CNTN4: variants seen among roughly 807,000 people sequenced by gnomAD.
The protein encoded by CNTN4 is contactin 4.
In CNTN4, 77 loss-of-function variants were observed where a neutral mutation model predicts 122.5. The ratio of observed to expected loss-of-function variants is 0.63; its 90% CI spans 0.52 to 0.76. CNTN4 has a LOEUF of 0.76. CNTN4 is among the 30% of genes least tolerant of loss of function. The pLI is 0.00. For missense variants in CNTN4, 1,256 were observed against 1,259.1 expected (o/e 1.00, Z 0.04); for synonymous variants, 512 against 447.0 (o/e 1.15, Z -1.83).
chr3:2,624,613 T>G (rs2149967093), intron 4 of CNTN4, among the ~76,000 whole-genome samples: 1 of 150,354 alleles, frequency 6.7e-6, no homozygotes, highest in South Asian at 2.1e-4. Flanking sequence ...GGCTCTTAAT[T>G]GGAATTTCTG....
chr3:2,127,935 C>G (rs747330856), intron 2 of CNTN4, among the ~76,000 whole-genome samples: 1 of 152,150 alleles, frequency 6.6e-6, no homozygotes, highest in Non-Finnish European at 1.5e-5. Flanking sequence ...TTTGTTCTTC[C>G]TCTGAATGCC....
chr3:2,547,677 T>C (rs1575941428), intron 3 of CNTN4, among the ~76,000 whole-genome samples: 1 of 152,074 alleles, frequency 6.6e-6, no homozygotes, highest in Non-Finnish European at 1.5e-5. Flanking sequence ...AAACACTTAA[T>C]AGTCAAATGC....
intron 4 of CNTN4, among the ~76,000 whole-genome samples, chr3:2,574,002 A>AG (rs2149509370): frequency 6.6e-6 from 1 of 152,274 alleles, no homozygotes; most frequent in African/African-American, 2.4e-5. Flanking sequence ...GGATAACCTG[A>AG]GGTCAGGAGT....
At position 2,831,858 on chromosome 3, in the gene CNTN4, G is replaced by A. The variant is rs1463522736; in HGVS notation, c.454+12277G>A. 2.0e-5 allele frequency among the ~76,000 whole-genome samples: 3 copies of A among 152,186 alleles called. No individual in the cohort carries two copies. The East Asian group carries it at 5.8e-4, about 29-fold the overall frequency. ...CTAGGGAACACCTGGGAAATGCCAA[G>A]ATGCTTCAGTTTTAGGTGTTTGAAG... is the stretch of plus-strand genomic sequence containing the variant. On this transcript the variant is annotated intron_variant, in intron 7 of 24. Transcript: ENST00000418658.
chr3:2,404,235 C>T (rs1405432853), intron 3 of CNTN4, among the ~76,000 whole-genome samples: 1 of 152,158 alleles, frequency 6.6e-6, no homozygotes, highest in Non-Finnish European at 1.5e-5. Flanking sequence ...AGTGTAAACA[C>T]AGCATGGATC....
chr3:2,201,572 T>C (rs2149390621), intron 2 of CNTN4, among the ~76,000 whole-genome samples: 1 of 152,262 alleles, frequency 6.6e-6, no homozygotes, highest in Admixed American at 6.5e-5. Flanking sequence ...TTGCTAAAAA[T>C]AACCAGTTCT....
chr3:2,601,395 G>C (rs1278635497), intron 4 of CNTN4, among the ~76,000 whole-genome samples: 2 of 152,128 alleles, frequency 1.3e-5, no homozygotes, highest in South Asian at 2.1e-4. Flanking sequence ...GTAAGGAAGG[G>C]ATCCAGTTTC....
chr3:2,775,965 C>T (rs1465059995), intron 6 of CNTN4, among the ~76,000 whole-genome samples: 3 of 152,244 alleles, frequency 2.0e-5, no homozygotes, highest in Non-Finnish European at 4.4e-5. Flanking sequence ...CTCTTCAGCC[C>T]GAACTGACCC....
At chr3:2,744,411 A>G (rs539910027) in intron 5 of CNTN4, among the ~76,000 whole-genome samples, 1 of 152,360 alleles carries the variant, frequency 6.6e-6, no homozygotes, top group African/African-American at 2.4e-5. Context: ...GATTTTTACT[A>G]TTTAAAGGAG....
At chr3:2,276,462 C>T (rs2041515180) in intron 2 of CNTN4, among the ~76,000 whole-genome samples, 1 of 152,202 alleles carries the variant, frequency 6.6e-6, no homozygotes, top group Non-Finnish European at 1.5e-5. Context: ...GCGTGAGCCA[C>T]TGCGGCAGGC....
chr3:2,962,021 A>G (rs552038112), intron 13 of CNTN4, among the ~76,000 whole-genome samples: 4 of 152,370 alleles, frequency 2.6e-5, no homozygotes, highest in East Asian at 3.9e-4. Flanking sequence ...GTCAAAGACA[A>G]TTACATTTGA....
chr3:2,946,714 T>TC (rs2094683044), intron 13 of CNTN4, among the ~76,000 whole-genome samples: 1 of 149,302 alleles, frequency 6.7e-6, no homozygotes, highest in Non-Finnish European at 1.5e-5. Flanking sequence ...CTTTTTTTTT[T>TC]TTTTTTTGAG....
chr3:2,180,796 C>T (rs755050185), intron 2 of CNTN4, among the ~76,000 whole-genome samples: 1 of 152,198 alleles, frequency 6.6e-6, no homozygotes, highest in Middle Eastern at 3.4e-3. Context: ...CCTTAGCAAC[C>T]ATCTGATTGT....
intron 2 of CNTN4, among the ~76,000 whole-genome samples, chr3:2,230,402 G>A (rs757005416): frequency 4.6e-5 from 7 of 152,180 alleles, no homozygotes; most frequent in Non-Finnish European, 1.0e-4. Context: ...AGAAGGTTTA[G>A]GTGATTTGTC....
At chr3:2,540,348 C>G (rs1257520309) in intron 3 of CNTN4, among the ~76,000 whole-genome samples, 2 of 151,792 alleles carry the variant, frequency 1.3e-5, no homozygotes, top group African/African-American at 4.8e-5. Flanking sequence ...CTCCAAACAG[C>G]TAGTTTGGAG....
At chr3:2,156,765 G>C (rs1287279496) in intron 2 of CNTN4, among the ~76,000 whole-genome samples, 1 of 152,150 alleles carries the variant, frequency 6.6e-6, no homozygotes, top group Non-Finnish European at 1.5e-5. Flanking sequence ...AGTTTTGGTA[G>C]TTCTGCAGTT....
intron 4 of CNTN4, among the ~76,000 whole-genome samples, chr3:2,704,506 G>A (rs1014488922): frequency 6.6e-6 from 1 of 151,916 alleles, no homozygotes; most frequent in Admixed American, 6.6e-5. Context: ...AGAGAAAGAG[G>A]ACAAAACAAA....
At chr3:2,468,422 G>C (rs1417397184) in intron 3 of CNTN4, among the ~76,000 whole-genome samples, 1 of 152,068 alleles carries the variant, frequency 6.6e-6, no homozygotes, top group Admixed American at 6.6e-5. Flanking sequence ...ATACCATCAA[G>C]CATATGAGAT....
chr3:2,816,445 G>C (rs917594263), intron 6 of CNTN4, among the ~76,000 whole-genome samples: 1 of 151,992 alleles, frequency 6.6e-6, no homozygotes, highest in Non-Finnish European at 1.5e-5. Flanking sequence ...GGGAAGTGGG[G>C]CAAGGGATAA....
Sources: allele counts gnomAD v4.1 joint callset (sites outside exome capture counted in the v4.1 genomes callset), GRCh38; gene constraint gnomAD v4.1.1; transcripts MANE v1.5; gene names NCBI Gene and HGNC (gene_info 2026-07-23, HGNC 2026-07-21).